The following DEPTOR variants were observed in gnomAD, a reference collection of about 807,000 sequenced individuals.
The protein encoded by DEPTOR is DEP domain-containing mTOR-interacting protein.
In DEPTOR, 41 loss-of-function variants were observed where a neutral mutation model predicts 41.6. The ratio of observed to expected loss-of-function variants is 0.98; its 90% CI spans 0.77 to 1.28. The LOEUF is 1.28. Ranked by LOEUF, DEPTOR falls within the 50% of genes most tolerant of loss-of-function variation. The pLI is 0.00. For missense variants in DEPTOR, 514 were observed against 527.9 expected, an observed-to-expected ratio of 0.97 and a Z score of 0.26; for synonymous variants, 195 against 192.3, an observed-to-expected ratio of 1.01 and a Z score of -0.12.
At chr8:119,975,878 T>C (rs1828691170) in intron 4 of DEPTOR, among the ~76,000 whole-genome samples, 1 of 133,902 alleles carries the variant, frequency 7.5e-6, no homozygotes, top group South Asian at 2.7e-4. Context: ...TCCTTTTTTT[T>C]TTTTTTTTTT....
chr8:119,927,944 T>C (rs1209790711), intron 1 of DEPTOR, among the ~76,000 whole-genome samples: 2 of 152,026 alleles, frequency 1.3e-5, no homozygotes, highest in Non-Finnish European at 2.9e-5. Flanking sequence ...AACAGGCAGG[T>C]AGTAGACATT....
At chr8:119,979,759 C>T (rs958770093) in intron 4 of DEPTOR, among the ~76,000 whole-genome samples, 2 of 152,128 alleles carry the variant, frequency 1.3e-5, no homozygotes, top group African/African-American at 4.8e-5. Flanking sequence ...GCAAAGCCTC[C>T]AGGCCACTGG....
intron 8 of DEPTOR, among the ~76,000 whole-genome samples, chr8:120,026,940 C>T (rs1035590932): frequency 7.9e-5 from 12 of 151,974 alleles, no homozygotes; most frequent in African/African-American, 1.5e-4. Flanking sequence ...TAATGCCTAC[C>T]GGGTGTGGTG....
At chr8:119,906,325 G>A (rs891367904) in intron 1 of DEPTOR, among the ~76,000 whole-genome samples, 1 of 151,744 alleles carries the variant, frequency 6.6e-6, no homozygotes, top group Non-Finnish European at 1.5e-5. Flanking sequence ...GTATGGTGGT[G>A]CATGTCTGTG....
chr8:119,921,662 G>T (rs77420285), intron 1 of DEPTOR, among the ~76,000 whole-genome samples: 2,656 of 152,120 alleles, frequency 0.017, 85 homozygotes, highest in African/African-American at 0.061. Flanking sequence ...CCCTTGCAGG[G>T]AATTGGTGGA....
chr8:119,986,469 T>A (rs1447683162), intron 4 of DEPTOR, among the ~76,000 whole-genome samples: 2 of 152,156 alleles, frequency 1.3e-5, no homozygotes, highest in Non-Finnish European at 2.9e-5. Context: ...ATTTTTTCCT[T>A]CATTTCAACC....
intron 4 of DEPTOR, among the ~76,000 whole-genome samples, chr8:119,974,018 A>T (rs2129996605): frequency 6.6e-6 from 1 of 152,150 alleles, no homozygotes; most frequent in African/African-American, 2.4e-5. Flanking sequence ...CCAATAATTA[A>T]GATAATTGAT....
intron 8 of DEPTOR, among the ~76,000 whole-genome samples, chr8:120,028,220 A>T (rs1016869765): frequency 4.0e-5 from 6 of 149,404 alleles, no homozygotes; most frequent in Non-Finnish European, 7.4e-5. Flanking sequence ...CAGTGGCTTG[A>T]TCTTGGCTCA....
At chr8:120,003,692 G>A (rs1252757230) in intron 6 of DEPTOR, among the ~76,000 whole-genome samples, 1 of 152,154 alleles carries the variant, frequency 6.6e-6, no homozygotes, top group Non-Finnish European at 1.5e-5. Context: ...AGCTATCCCT[G>A]GAATTGACCC....
chr8:119,947,894 G>A (rs927087323), intron 3 of DEPTOR, among the ~76,000 whole-genome samples: 2 of 152,038 alleles, frequency 1.3e-5, no homozygotes, highest in African/African-American at 4.8e-5. Flanking sequence ...TTAGCTCCCT[G>A]TGCTTTGCTC....
rs113514773 is a variant in DEPTOR at position 119,965,057 on chromosome 8, GA to G, written c.426-174del. Among the ~76,000 whole-genome samples the G allele has an allele frequency of 3.4e-3, 515 of 152,236 alleles. 3 individuals carry two copies. The highest frequency in any genetic ancestry group is 0.012 in the African/African-American group (495 of 41,552). The stretch of plus-strand genomic sequence containing the variant: ...CATTGCACTCCAGCCTGGGCAACAA[GA>G]GCGAAAATCTGTCTCAAAGAAAGAA... On this transcript the variant is annotated intron_variant, in intron 3 of 8. Transcript: ENST00000286234.
intron 7 of DEPTOR, 54 bp from the exon 8 acceptor site, chr8:120,008,975 A>C: frequency 6.4e-7 from 1 of 1,560,170 alleles, no homozygotes. Flanking sequence ...TCAGAAGAAT[A>C]AGCAAATTGC....
Position 119,873,792 on chromosome 8 carries a change from C to T in DEPTOR, c.-55C>T. On this transcript the variant is annotated 5_prime_UTR_variant, in exon 1 of 9. Transcript: ENST00000286234. ...GTCTGTGAGGGCAGACTGATCCGAG[C>T]ACCCAAACCCTCGGCGGACAGCGGA... 1.4e-5 allele frequency: 23 copies of T among 1,600,712 alleles called. No homozygotes were observed. Among genetic ancestry groups the T allele is most frequent in the Non-Finnish European group, 2.0e-5 (23 of 1,173,666 alleles).
At chr8:119,909,743 A>G (rs939695984) in intron 1 of DEPTOR, among the ~76,000 whole-genome samples, 2 of 152,250 alleles carry the variant, frequency 1.3e-5, no homozygotes, top group Non-Finnish European at 2.9e-5. Context: ...TCCAATCACC[A>G]GAAGTGAACC....
intron 8 of DEPTOR, among the ~76,000 whole-genome samples, chr8:120,015,861 C>T (rs1812602708): frequency 6.6e-6 from 1 of 152,132 alleles, no homozygotes; most frequent in Non-Finnish European, 1.5e-5. Context: ...AGCTTGCCCT[C>T]CCACCCTAGC....
intron 4 of DEPTOR, among the ~76,000 whole-genome samples, chr8:119,991,038 C>CT (rs773148386): frequency 0.016 from 223 of 13,752 alleles, 7 homozygotes; most frequent in South Asian, 0.036. Context: ...TCTTTTCTTT[C>CT]TTTCTTTCTT....
intron 3 of DEPTOR, among the ~76,000 whole-genome samples, chr8:119,949,025 A>G (rs1828318539): frequency 6.6e-6 from 1 of 152,208 alleles, no homozygotes. Context: ...ACCTCAGGTG[A>G]TCCACCCGCC....
chr8:119,887,516 TCTGGAGTTGTACTCACTCTGTCACCCAGG>T (rs1271100300), intron 1 of DEPTOR, among the ~76,000 whole-genome samples: 3 of 107,214 alleles, frequency 2.8e-5, no homozygotes, highest in African/African-American at 1.1e-4. Flanking sequence ...TTCTCTTCTT[TCTGGAGTTGTACTCACTCTGTCACCCAGG>T]CTGGAGTTCA....
Position 119,955,091 on chromosome 8 carries a change from G to A in DEPTOR, c.426-10141G>A, listed in dbSNP as rs924391844. ...CAGGATGGTCTTGAACTTCCAACCT[G>A]AGGTGATCTAACCACCTCGGCCTCC... On this transcript the variant is annotated intron_variant, in intron 3 of 8. Transcript: ENST00000286234. 8.6e-5 allele frequency among the ~76,000 whole-genome samples: 13 copies of A among 152,044 alleles called. No homozygotes were observed. The East Asian group carries it at 2.5e-3, about 29-fold the overall frequency.
Sources: gnomAD v4.1 joint callset for allele counts (sites outside exome capture counted in the v4.1 genomes callset) on GRCh38, gnomAD v4.1.1 for gene constraint, MANE v1.5 for transcripts, NCBI Gene and HGNC (gene_info 2026-07-23, HGNC 2026-07-21) for gene names.